Variants in MACF1 observed in about 807,000 individuals in gnomAD.
The protein encoded by MACF1 is microtubule-actin cross-linking factor 1.
In MACF1, 193 loss-of-function variants were observed where a neutral mutation model predicts 854.8. The observed-to-expected ratio is 0.23, with a 90% CI of 0.20 to 0.25. The LOEUF is 0.25. Ranked by LOEUF, MACF1 falls within the 10% of genes least tolerant of loss-of-function variation. MACF1 has a pLI of 1.00. For synonymous variants in MACF1, 3,185 were observed against 3,226.7 expected (o/e 0.99, Z 0.44); for missense variants, 7,722 against 8,929.1 (o/e 0.86, Z 5.45).
chr1:39,451,113 T>C lies in MACF1; in HGVS notation c.20320T>C (p.Leu6774=), dbSNP rs147337818. 4.7e-5 allele frequency: 76 copies of C among 1,614,124 alleles called. No individual in the cohort carries two copies. The Admixed American group carries it at 6.2e-4, about 13-fold the overall frequency. ...TCAGTTCATGGATGCTTTGCAGGCA[T>C]TGGTTGACTGGTTATACAAGGTGGA... ...SGQFMDALQA[L]VDWLYKVEPQ... The change falls in exon 85 of 101, where the codon TTG becomes CTG. Residue 6774 remains leucine, a synonymous_variant. Coordinates refer to ENST00000564288, the MANE Select transcript of MACF1 (RefSeq NM_001394062.1).
chr1:39,178,265 T>C (rs1008533532), intron 2 of MACF1, among the ~76,000 whole-genome samples: 18 of 151,350 alleles, frequency 1.2e-4, no homozygotes, highest in Non-Finnish European at 4.4e-5. Context: ...TAGGTATACA[T>C]GTGCCATGGT....
In MACF1 at chr1:39,324,568, T is replaced by A. The variant is rs548744943; in HGVS notation, c.4390-78T>A. 5.2e-5 allele frequency: 67 copies of A among 1,279,592 alleles called. No individual in the cohort carries two copies. In the African/African-American group the frequency reaches 6.4e-4, roughly 12 times the overall value. 79.3% of individuals were successfully genotyped at this position (1,279,592 alleles called of 1,614,324 possible). ...TAAGCTGCATATTTTCTCTAGGATT[T>A]AAAAAAATAATTTTAAATAATTTTT... is the stretch of plus-strand genomic sequence containing the variant. On this transcript the variant is annotated intron_variant, in intron 34 of 100. Transcript: ENST00000564288.
At chr1:39,096,643 C>A (rs1023628092) in intron 2 of MACF1, among the ~76,000 whole-genome samples, 1 of 151,970 alleles carries the variant, frequency 6.6e-6, no homozygotes, top group Non-Finnish European at 1.5e-5. Context: ...CTACCTTCCT[C>A]CGTTTTTGTT....
chr1:39,486,335 C>G lies in MACF1; in HGVS notation c.*541C>G, dbSNP rs574600445. 1 of 152,708 alleles carries G rather than the reference C, an allele frequency of 6.5e-6. No homozygotes were observed. Among genetic ancestry groups the G allele is most frequent in the East Asian group, 1.9e-4 (1 of 5,184 alleles). The allele number at this position is 152,708 out of a possible 1,614,324, so 9.5% of individuals were successfully genotyped here. On this transcript the variant is annotated 3_prime_UTR_variant, in exon 101 of 101. Coordinates refer to ENST00000564288, the MANE Select transcript of MACF1 (RefSeq NM_001394062.1). The stretch of plus-strand genomic sequence containing the variant: ...GTGATTTTTAGCTAAAGAGAGGGAA[C>G]CTCATCTAAGTAACATTTGCACATG...
At chr1:39,239,312 CA>C (rs1644895320) in intron 2 of MACF1, among the ~76,000 whole-genome samples, 3 of 130,456 alleles carry the variant, frequency 2.3e-5, no homozygotes, top group African/African-American at 8.1e-5. Flanking sequence ...AACAAACAAA[CA>C]AAAAACACCA....
intron 89 of MACF1, among the ~76,000 whole-genome samples, chr1:39,455,519 A>G (rs535226868): frequency 1.3e-5 from 2 of 152,300 alleles, no homozygotes; most frequent in African/African-American, 2.4e-5. Context: ...AAACTGTCCA[A>G]AGTGCTCTAT....
intron 20 of MACF1, among the ~76,000 whole-genome samples, chr1:39,296,842 G>A (rs962115392): frequency 4.6e-5 from 6 of 130,374 alleles, no homozygotes. Context: ...AAGGAAGGAA[G>A]GAAAAGAAAG....
intron 2 of MACF1, among the ~76,000 whole-genome samples, chr1:39,109,447 A>T (rs1283975608): frequency 6.7e-6 from 1 of 149,638 alleles, no homozygotes; most frequent in East Asian, 2.0e-4. Flanking sequence ...TTTTTTCTAT[A>T]TTTTTTTTTA....
intron 2 of MACF1, among the ~76,000 whole-genome samples, chr1:39,173,524 C>T (rs1362540401): frequency 2.6e-5 from 4 of 152,168 alleles, no homozygotes; most frequent in Non-Finnish European, 4.4e-5. Context: ...ATTTCCTTCA[C>T]TGTCAGAATT....
At chr1:39,401,715 A>G (rs538472499) in intron 58 of MACF1, among the ~76,000 whole-genome samples, 2 of 152,274 alleles carry the variant, frequency 1.3e-5, no homozygotes, top group Non-Finnish European at 1.5e-5. Flanking sequence ...GTATTTATCA[A>G]GTGAACCATT....
intron 2 of MACF1, among the ~76,000 whole-genome samples, chr1:39,128,108 C>CT (rs1168314326): frequency 6.6e-6 from 1 of 152,212 alleles, no homozygotes; most frequent in Non-Finnish European, 1.5e-5. Flanking sequence ...GGAACTGCAC[C>CT]TTTACATCCT....
chr1:39,382,061 C>T lies in MACF1; in HGVS notation c.13757C>T (p.Pro4586Leu), dbSNP rs775377818. 1.7e-5 allele frequency: 28 copies of T among 1,614,126 alleles called. No homozygotes were observed. Among genetic ancestry groups the T allele is most frequent in the Non-Finnish European group, 1.6e-5 (19 of 1,180,030 alleles). ...CFQAAESQLR[P>L]WLMEKELMMG... The stretch of plus-strand genomic sequence containing the variant: ...CAGGCTGCAGAATCCCAGCTCCGGC[C>T]GTGGCTGATGGAGAAAGAACTGATG... The change falls in exon 56 of 101, where the codon CCG (proline) becomes CTG (leucine). Residue 4586 changes from proline to leucine, a missense_variant. By Grantham distance (98) the Pro-to-Leu change is moderately conservative. Transcript: ENST00000564288.
chr1:39,143,712 T>C lies in MACF1; in HGVS notation c.220+59274T>C, dbSNP rs182004287. 7.1e-4 allele frequency among the ~76,000 whole-genome samples: 108 copies of C among 152,332 alleles called. 1 individual carries two copies. Among genetic ancestry groups the C allele is most frequent in the African/African-American group, 2.6e-3 (107 of 41,578 alleles). On this transcript the variant is annotated intron_variant, in intron 2 of 93. Coordinates refer to the MACF1 transcript ENST00000361689. ...GAAGGACAGTGACAGTTGTCCTACA[T>C]TGGCTAGTTTCAAGACCCTGAGGGA...
rs909925711 is a variant in MACF1, at chr1:39,334,393, G to A, written c.7805G>A (p.Gly2602Glu). The A allele has an allele frequency of 1.2e-6, 2 of 1,614,040 alleles. No individual in the cohort carries two copies. The highest frequency in any genetic ancestry group is 1.7e-6 in the Non-Finnish European group (2 of 1,179,990). ...ACCTTGGCAGAAGCTAAAAAAGAAG[G>A]ACTGTTAACTAATGAAGCAGTATTG... ...RLTLAEAKKEGLLTNEAVLSP... is the reference protein window; with the variant it reads ...RLTLAEAKKEELLTNEAVLSP... The change falls in exon 37 of 101, where the codon GGA becomes GAA. Residue 2602 changes from glycine (G) to glutamate (E), a missense_variant. This residue lies in a region of MACF1 where 1,531 missense variants were observed against 1,601.6 expected (regional missense o/e 0.96). Coordinates refer to ENST00000564288, the MANE Select transcript of MACF1 (RefSeq NM_001394062.1).
At position 39,303,007 on chromosome 1, in the gene MACF1, C is replaced by G. The variant is rs759986793; in HGVS notation, c.2718C>G (p.Asn906Lys). The change falls in exon 23 of 101, where the codon AAC becomes AAG. Residue 906 changes from asparagine (N) to lysine (K), a missense_variant. Coordinates refer to ENST00000564288, the MANE Select transcript of MACF1 (RefSeq NM_001394062.1). ...GGAAAGTGATCAGCCCCACAGGGAACGAGGCAATGGTGCCGTCAGTCTGCT... is the reference window on the plus strand; with the variant it reads ...GGAAAGTGATCAGCCCCACAGGGAAGGAGGCAATGGTGCCGTCAGTCTGCT... Reference protein sequence around the residue: ...TKWKVISPTGNEAMVPSVCFL... With the variant: ...TKWKVISPTGKEAMVPSVCFL... 1 of 1,614,142 alleles carries G rather than the reference C, an allele frequency of 6.2e-7. No individual in the cohort carries two copies. Among genetic ancestry groups the G allele is most frequent in the Non-Finnish European group, 8.5e-7 (1 of 1,179,998 alleles).
chr1:39,436,487 A>G, intron 70 of MACF1: 1 of 1,614,010 alleles, frequency 6.2e-7, no homozygotes, highest in Non-Finnish European at 8.5e-7. Flanking sequence ...TACAGATTAC[A>G]GAGGTAAGGT....
rs552818832 is a variant in MACF1, at chr1:39,108,095, A to G, written c.220+23657A>G. ...TGGTGGCAGTGAGCATGGTCTTGGC[A>G]GGATTAGATGATTCAGCATGGAAAT... On this transcript the variant is annotated intron_variant, in intron 2 of 93. Transcript: ENST00000361689. 3.3e-5 allele frequency among the ~76,000 whole-genome samples: 5 copies of G among 151,568 alleles called. No homozygotes were observed. The South Asian group carries it at 1.0e-3, about 32-fold the overall frequency.
chr1:39,096,588 C>CAAA (rs61542154), intron 2 of MACF1, among the ~76,000 whole-genome samples: 2 of 139,178 alleles, frequency 1.4e-5, no homozygotes, highest in Admixed American at 7.2e-5. Flanking sequence ...GACTCTATCT[C>CAAA]AAAAAAAAAA....
At chr1:39,370,241 T>C (rs189473956) in intron 51 of MACF1, 55 bp downstream of exon 51, 4 of 1,451,532 alleles carry the variant, frequency 2.8e-6, no homozygotes, top group East Asian at 2.4e-5. Flanking sequence ...TGAATACTTG[T>C]ATTAACTGGT....
Sources: gnomAD v4.1 joint callset for allele counts (sites outside exome capture counted in the v4.1 genomes callset) on GRCh38, gnomAD v4.1.1 for gene constraint, gnomAD v4.1.1 regional missense constraint, MANE v1.5 for transcripts, NCBI Gene and HGNC (gene_info 2026-07-23, HGNC 2026-07-21) for gene names.